The following TET1 variants were observed in gnomAD, a reference collection of about 807,000 sequenced individuals.
The protein encoded by TET1 is tet methylcytosine dioxygenase 1.
TET1 carries 13 observed loss-of-function variants against 148.7 expected under a neutral mutation model. The observed-to-expected ratio is 0.09, with a 90% CI of 0.06 to 0.14. The LOEUF is 0.14. Ranked by LOEUF, TET1 falls within the 10% of genes least tolerant of loss-of-function variation. The pLI, the probability that TET1 is intolerant of heterozygous loss-of-function variation, is 1.00. For synonymous variants in TET1, 907 were observed against 937.2 expected, an observed-to-expected ratio of 0.97 and a Z score of 0.59; for missense variants, 2,182 against 2,553.8, an observed-to-expected ratio of 0.85 and a Z score of 3.14.
intron 6 of TET1, among the ~76,000 whole-genome samples, chr10:68,659,047 G>A (rs753331983): frequency 1.3e-5 from 2 of 152,124 alleles, no homozygotes; most frequent in Non-Finnish European, 2.9e-5. Context: ...GGCCAACGTG[G>A]TGAAATCCCA....
chr10:68,693,540 G>GT lies in TET1; in HGVS notation c.*1727dup, dbSNP rs2055619482. 4.3e-6 allele frequency: 1 copy of GT among 232,934 alleles called. No individual in the cohort carries two copies. Among genetic ancestry groups the GT allele is most frequent in the African/African-American group, 2.2e-5 (1 of 45,328 alleles). 14.4% of individuals were successfully genotyped at this position (232,934 alleles called of 1,614,324 possible). A position where few individuals can be genotyped will look rare whatever the true frequency, so the allele number is the denominator to read the frequency against. On this transcript the variant is annotated 3_prime_UTR_variant, in exon 12 of 12. Transcript: ENST00000373644. ...CCAAGTAAAGGAATATGAAGGGATT[G>GT]TAAAAAACAAAATGTCCATTGATAG...
chr10:68,592,051 C>T (rs2053924534), intron 2 of TET1, among the ~76,000 whole-genome samples: 1 of 152,200 alleles, frequency 6.6e-6, no homozygotes, highest in Admixed American at 6.5e-5. Context: ...GGTATGGTGG[C>T]TCACGCCTGT....
In TET1 at chr10:68,694,477, C is replaced by A; in HGVS notation, c.*2663C>A. 4.3e-6 allele frequency: 1 copy of A among 231,418 alleles called. No individual in the cohort carries two copies. Among genetic ancestry groups the A allele is most frequent in the Non-Finnish European group, 8.5e-6 (1 of 117,048 alleles). The allele number at this position is 231,418 out of a possible 1,614,324, so 14.3% of individuals were successfully genotyped here. ...ATAAATTTGTTTGAAATGACATTTTCTCTCATAAAACTGGTCATCTAACAT... is the reference window on the plus strand; with the variant it reads ...ATAAATTTGTTTGAAATGACATTTTATCTCATAAAACTGGTCATCTAACAT... On this transcript the variant is annotated 3_prime_UTR_variant, in exon 12 of 12. Coordinates refer to ENST00000373644, the MANE Select transcript of TET1 (RefSeq NM_030625.3).
At chr10:68,666,582 G>C (rs1473060626) in intron 6 of TET1, among the ~76,000 whole-genome samples, 1 of 152,146 alleles carries the variant, frequency 6.6e-6, no homozygotes, top group Non-Finnish European at 1.5e-5. Flanking sequence ...CTTGTCTGTT[G>C]TGCAAACTAT....
chr10:68,632,464 C>T (rs2133033828), intron 3 of TET1: 1 of 1,612,650 alleles, frequency 6.2e-7, no homozygotes, highest in South Asian at 1.1e-5. Flanking sequence ...CTGCGCCCGG[C>T]ATTCAATATT....
At chr10:68,565,464 T>C (rs1312199889) in intron 1 of TET1, among the ~76,000 whole-genome samples, 1 of 107,986 alleles carries the variant, frequency 9.3e-6, no homozygotes, top group East Asian at 2.7e-4. Flanking sequence ...AGACCCTGTT[T>C]AAAAAAAAAA....
chr10:68,562,416 G>A (rs1352524498), intron 1 of TET1, among the ~76,000 whole-genome samples: 1 of 151,964 alleles, frequency 6.6e-6, no homozygotes, highest in African/African-American at 2.4e-5. Context: ...GAAAGACTTA[G>A]GTGAATCAAA....
rs1373209909 is a variant in TET1 at position 68,646,179 on chromosome 10, A to G, written c.3450A>G (p.Thr1150=). 2 of 1,613,578 alleles carry G rather than the reference A, an allele frequency of 1.2e-6. No individual in the cohort carries two copies. The highest frequency in any genetic ancestry group is 8.5e-7 in the Non-Finnish European group (1 of 1,179,940). Residue 1150 remains threonine, a synonymous_variant, in exon 4 of 12, where the codon ACA becomes ACG. Coordinates refer to ENST00000373644, the MANE Select transcript of TET1 (RefSeq NM_030625.3). ...AAAAGAACCCAACCCAGAAAAAGAC[A>G]AAATCCACCCCATCAAGAGATCGGC... ...TKQKNPTQKK[T]KSTPSRDRRK...
chr10:68,630,736 A>G (rs1330578270), intron 3 of TET1, among the ~76,000 whole-genome samples: 2 of 152,206 alleles, frequency 1.3e-5, no homozygotes, highest in African/African-American at 4.8e-5. Flanking sequence ...GGTTGATGCC[A>G]AGTATGTGGA....
chr10:68,591,351 G>T lies in TET1; in HGVS notation c.1915-9630G>T, dbSNP rs2053916777. Among the ~76,000 whole-genome samples, 3 of 152,020 alleles carry T rather than the reference G, an allele frequency of 2.0e-5. No homozygotes were observed. In the South Asian group the frequency reaches 6.2e-4, roughly 32 times the overall value. ...TCCATGGAAAAGTGCTTTTCAATAAGAACCACAGCCATTAAGCAGTGTCCT... is the reference window on the plus strand; with the variant it reads ...TCCATGGAAAAGTGCTTTTCAATAATAACCACAGCCATTAAGCAGTGTCCT... On this transcript the variant is annotated intron_variant, in intron 2 of 11. Transcript: ENST00000373644.
At chr10:68,639,457 C>CTATTATTATTAT (rs1420408017) in intron 3 of TET1, among the ~76,000 whole-genome samples, 149 of 143,150 alleles carry the variant, frequency 1.0e-3, no homozygotes, top group African/African-American at 3.6e-3. Context: ...ACTACTACTA[C>CTATTATTATTAT]TACTACTACT....
chr10:68,664,137 A>G (rs1384213830), intron 6 of TET1, among the ~76,000 whole-genome samples: 2 of 151,894 alleles, frequency 1.3e-5, no homozygotes, highest in African/African-American at 4.8e-5. Flanking sequence ...CGGCCTGGGT[A>G]GCTCCTTTTT....
chr10:68,568,383 C>G (rs1260708228), intron 1 of TET1, among the ~76,000 whole-genome samples: 1 of 151,926 alleles, frequency 6.6e-6, no homozygotes, highest in Non-Finnish European at 1.5e-5. Context: ...CCACCACGCC[C>G]AGCTACTTTT....
intron 8 of TET1, chr10:68,673,517 T>C (rs769946714): frequency 2.3e-5 from 8 of 341,898 alleles, no homozygotes; most frequent in Non-Finnish European, 4.1e-5. Context: ...GAACTTGGTG[T>C]TAAGTTAAAT....
At position 68,691,809 on chromosome 10, in the gene TET1, G is replaced by A; in HGVS notation, c.6406G>A (p.Val2136Ile). Residue 2136 changes from valine (V) to isoleucine (I), a missense_variant, in exon 12 of 12, where the codon GTC becomes ATC. Transcript: ENST00000373644. This position sits in a 1 kb window ranked among gnomAD's most constrained non-coding sequence, Gnocchi z 4.4. ...CGTTGCGGGGCCCTATAACCATTGG[G>A]TCTGAAGGCTTTTCTCCCCCTCTTA... ...THVAGPYNHW[V>I] 1 of 1,605,634 alleles carries A rather than the reference G, an allele frequency of 6.2e-7. No homozygotes were observed.
At chr10:68,570,021 T>C (rs936929712) in intron 1 of TET1, among the ~76,000 whole-genome samples, 3 of 152,186 alleles carry the variant, frequency 2.0e-5, no homozygotes, top group Admixed American at 6.5e-5. Flanking sequence ...GTTTGTTACA[T>C]GGGCATATTG....
chr10:68,576,770 T>C (rs111779322), intron 2 of TET1, among the ~76,000 whole-genome samples: 3,632 of 152,268 alleles, frequency 0.024, 137 homozygotes, highest in African/African-American at 0.083. Flanking sequence ...TCTCACTCTG[T>C]CACCCAGGCT....
At chr10:68,569,454 G>A (rs912693859) in intron 1 of TET1, among the ~76,000 whole-genome samples, 1 of 152,152 alleles carries the variant, frequency 6.6e-6, no homozygotes, top group Non-Finnish European at 1.5e-5. Context: ...GATTACAGGC[G>A]TGAATCACCA....
At chr10:68,666,460 A>G (rs1001897114) in intron 6 of TET1, among the ~76,000 whole-genome samples, 1 of 152,136 alleles carries the variant, frequency 6.6e-6, no homozygotes, top group East Asian at 1.9e-4. Context: ...TTTAATGTTG[A>G]GAGTTCTTGG....
Sources: gnomAD v4.1 joint callset for allele counts (sites outside exome capture counted in the v4.1 genomes callset) on GRCh38, gnomAD v4.1.1 for gene constraint, Gnocchi (gnomAD v3.1) non-coding constraint, MANE v1.5 for transcripts, NCBI Gene and HGNC (gene_info 2026-07-23, HGNC 2026-07-21) for gene names.